The following TTC28 variants were observed in gnomAD, a reference collection of about 807,000 sequenced individuals.
TTC28 encodes the protein tetratricopeptide repeat domain 28.
A neutral mutation model predicts 198.0 loss-of-function variants in TTC28; 61 were observed. That is an observed-to-expected ratio of 0.31 (90% CI 0.25 to 0.38). The LOEUF (loss-of-function observed/expected upper bound fraction) is 0.38. TTC28 is among the 10% of genes least tolerant of loss of function. The pLI, the probability that TTC28 is intolerant of heterozygous loss-of-function variation, is 1.00. For missense variants in TTC28, 2,678 were observed against 3,164.0 expected (o/e 0.85, Z 3.69); for synonymous variants, 1,171 against 1,297.8 (o/e 0.90, Z 2.10).
In TTC28 at chr22:28,149,251, G is replaced by A. The variant is rs1006226467; in HGVS notation, c.1441+13841C>T. The stretch of plus-strand genomic sequence containing the variant: ...CTGGTTTGGAAAGTTGGTGCACCAT[G>A]GTGAAAACCACAGGCATGAATGGGA... On this transcript the variant is annotated intron_variant, in intron 6 of 22. Transcript: ENST00000397906. Among the ~76,000 whole-genome samples the A allele has an allele frequency of 3.9e-5, 6 of 152,192 alleles. No homozygotes were observed. In the East Asian group the frequency reaches 1.2e-3, roughly 29 times the overall value.
At chr22:28,260,703 T>C (rs134195) in intron 5 of TTC28, among the ~76,000 whole-genome samples, 6,852 of 152,226 alleles carry the variant, frequency 0.045, 375 homozygotes, top group East Asian at 0.17. Context: ...CTGCTCCTTG[T>C]GTAACTTGTT....
chr22:28,333,547 G>T lies in TTC28; in HGVS notation c.382-26904C>A, dbSNP rs539435131. ...CAGGGAGTAACTTCCATATGAAAAT[G>T]AACTAGGTTATATTTACTGTTCTGC... is the stretch of plus-strand genomic sequence containing the variant. On this transcript the variant is annotated intron_variant, in intron 2 of 22. Transcript: ENST00000397906. 9.2e-5 allele frequency among the ~76,000 whole-genome samples: 14 copies of T among 152,182 alleles called. No individual in the cohort carries two copies. In the South Asian group the frequency reaches 2.9e-3, roughly 32 times the overall value.
At chr22:27,991,238 C>G (rs1322877168) in intron 19 of TTC28, among the ~76,000 whole-genome samples, 1 of 152,200 alleles carries the variant, frequency 6.6e-6, no homozygotes, top group African/African-American at 2.4e-5. Flanking sequence ...TCCCTGTGCT[C>G]CCATCAAAAG....
chr22:28,233,911 T>TG (rs1370114983), intron 5 of TTC28, among the ~76,000 whole-genome samples: 2 of 143,896 alleles, frequency 1.4e-5, no homozygotes, highest in African/African-American at 5.3e-5. Context: ...GCAAATTAGT[T>TG]TTTTTTTTTT....
At chr22:28,435,174 A>G (rs906018932) in intron 2 of TTC28, among the ~76,000 whole-genome samples, 1 of 152,212 alleles carries the variant, frequency 6.6e-6, no homozygotes, top group Non-Finnish European at 1.5e-5. Context: ...AAAGAACATA[A>G]TTTTATGTTT....
intron 11 of TTC28, among the ~76,000 whole-genome samples, chr22:28,095,076 G>A (rs1480122578): frequency 6.6e-6 from 1 of 152,064 alleles, no homozygotes; most frequent in African/African-American, 2.4e-5. Flanking sequence ...GAGAGAAGGA[G>A]TTTGATACCT....
chr22:28,594,242 TTTA>T (rs901664674), intron 2 of TTC28, among the ~76,000 whole-genome samples: 5 of 149,292 alleles, frequency 3.3e-5, no homozygotes, highest in East Asian at 1.9e-4. Flanking sequence ...TAAATAATCG[TTTA>T]TTAATATAAT....
At chr22:28,057,841 T>C (rs1940351369) in intron 12 of TTC28, among the ~76,000 whole-genome samples, 1 of 152,172 alleles carries the variant, frequency 6.6e-6, no homozygotes, top group African/African-American at 2.4e-5. Flanking sequence ...CATGATTTGT[T>C]GAAAAGACTT....
At chr22:28,344,363 T>C (rs1212675371) in intron 2 of TTC28, among the ~76,000 whole-genome samples, 1 of 152,040 alleles carries the variant, frequency 6.6e-6, no homozygotes, top group East Asian at 1.9e-4. Flanking sequence ...AAGGATCTGA[T>C]ATTAAGATCT....
chr22:28,590,992 G>T (rs1432896134), intron 2 of TTC28, among the ~76,000 whole-genome samples: 2 of 134,932 alleles, frequency 1.5e-5, no homozygotes, highest in African/African-American at 2.8e-5. Context: ...GGCGACAAGA[G>T]AGAAACTCTG....
At chr22:28,373,823 A>C (rs1251102890) in intron 2 of TTC28, among the ~76,000 whole-genome samples, 1 of 124,630 alleles carries the variant, frequency 8.0e-6, no homozygotes, top group African/African-American at 3.0e-5. Flanking sequence ...CATAAAAAGC[A>C]GTTAAGGTAT....
Position 28,606,988 on chromosome 22 carries a change from G to A in TTC28, c.381+22564C>T, listed in dbSNP as rs562363375. On this transcript the variant is annotated intron_variant, in intron 2 of 22. Transcript: ENST00000397906. ...ATTTGAGAAATGGTAAGTGCTGGAA[G>A]AACTCTCTGACCTTCCTCTGAAGCA... Among the ~76,000 whole-genome samples the A allele has an allele frequency of 1.7e-4, 26 of 152,254 alleles. No individual in the cohort carries two copies. The South Asian group carries it at 5.2e-3, about 30-fold the overall frequency.
intron 12 of TTC28, among the ~76,000 whole-genome samples, chr22:28,033,536 T>C (rs1001199024): frequency 6.6e-6 from 1 of 152,206 alleles, no homozygotes; most frequent in African/African-American, 2.4e-5. Context: ...GCTCTTACTA[T>C]CTGGTATGAC....
At chr22:28,124,430 C>G (rs565315741) in intron 6 of TTC28, among the ~76,000 whole-genome samples, 2 of 152,088 alleles carry the variant, frequency 1.3e-5, no homozygotes, top group Non-Finnish European at 2.9e-5. Flanking sequence ...ATTCTAATAG[C>G]TAAAATTATT....
intron 6 of TTC28, among the ~76,000 whole-genome samples, chr22:28,129,766 G>C (rs943512299): frequency 6.6e-6 from 1 of 152,172 alleles, no homozygotes; most frequent in African/African-American, 2.4e-5. Context: ...CTACATTGGC[G>C]GGGGAGATGA....
intron 2 of TTC28, among the ~76,000 whole-genome samples, chr22:28,537,185 C>T: frequency 6.6e-6 from 1 of 151,190 alleles, no homozygotes; most frequent in East Asian, 1.9e-4. Context: ...CCCAGCTACT[C>T]GGGAGGCCGA....
chr22:28,207,225 A>G (rs74607505), intron 5 of TTC28, among the ~76,000 whole-genome samples: 1 of 126,768 alleles, frequency 7.9e-6, no homozygotes. Context: ...AAGCAGATGG[A>G]AAAAAAAAAA....
intron 2 of TTC28, among the ~76,000 whole-genome samples, chr22:28,565,599 T>G (rs1421623104): frequency 1.3e-5 from 2 of 152,210 alleles, no homozygotes; most frequent in African/African-American, 4.8e-5. Flanking sequence ...TCAAATTTTG[T>G]TTTCAGATTA....
At chr22:28,090,120 T>TA (rs546868460) in intron 12 of TTC28, among the ~76,000 whole-genome samples, 5 of 147,298 alleles carry the variant, frequency 3.4e-5, no homozygotes, top group Non-Finnish European at 6.0e-5. Context: ...ATAATAATAA[T>TA]AAAAAAAGTA....
Sources: gnomAD v4.1 joint callset for allele counts (sites outside exome capture counted in the v4.1 genomes callset) on GRCh38, gnomAD v4.1.1 for gene constraint, MANE v1.5 for transcripts, NCBI Gene and HGNC (gene_info 2026-07-23, HGNC 2026-07-21) for gene names.